KCNJ6: variants seen among roughly 807,000 people sequenced by gnomAD.
KCNJ6 encodes the protein potassium inwardly rectifying channel subfamily J member 6, also known as G protein-activated inward rectifier potassium channel 2.
A neutral mutation model predicts 34.2 loss-of-function variants in KCNJ6; 9 were observed. That is an observed-to-expected ratio of 0.26 (90% confidence interval 0.16 to 0.46). KCNJ6 has a LOEUF of 0.46. KCNJ6 is among the 20% of genes least tolerant of loss of function. The pLI, the probability that KCNJ6 is intolerant of heterozygous loss-of-function variation, is 1.00. For missense variants in KCNJ6, 236 were observed against 531.3 expected (o/e 0.44, Z 5.46); for synonymous variants, 196 against 207.1 (o/e 0.95, Z 0.46).
chr21:37,735,649 C>T (rs1343424807), intron 2 of KCNJ6, among the ~76,000 whole-genome samples: 1 of 152,182 alleles, frequency 6.6e-6, no homozygotes, highest in Non-Finnish European at 1.5e-5. Flanking sequence ...TGTGTATGGG[C>T]TGTGGGAGGA....
intron 3 of KCNJ6, among the ~76,000 whole-genome samples, chr21:37,683,181 G>T (rs2054597838): frequency 6.6e-6 from 1 of 152,124 alleles, no homozygotes; most frequent in African/African-American, 2.4e-5. Flanking sequence ...GAGGAAATTG[G>T]CTACAAGACA....
intron 1 of KCNJ6, among the ~76,000 whole-genome samples, chr21:37,850,000 C>T (rs895934014): frequency 3.9e-5 from 6 of 152,238 alleles, no homozygotes; most frequent in African/African-American, 9.6e-5. Context: ...AGTTTCCTGA[C>T]ATGAGATGCT....
At chr21:37,733,640 A>C (rs1169682898) in intron 2 of KCNJ6, among the ~76,000 whole-genome samples, 2 of 152,222 alleles carry the variant, frequency 1.3e-5, no homozygotes, top group Non-Finnish European at 2.9e-5. Context: ...AATTTCTTTT[A>C]AAAGAAAGCT....
At chr21:37,823,838 G>C (rs183290823) in intron 2 of KCNJ6, among the ~76,000 whole-genome samples, 1 of 101,634 alleles carries the variant, frequency 9.8e-6, no homozygotes, top group Non-Finnish European at 2.2e-5. Flanking sequence ...GGGATGGGGA[G>C]ATGTTGGTCA....
At chr21:37,770,426 G>T (rs1469126042) in intron 2 of KCNJ6, among the ~76,000 whole-genome samples, 2 of 152,074 alleles carry the variant, frequency 1.3e-5, no homozygotes, top group Admixed American at 1.3e-4. Context: ...AGGCAAAGAA[G>T]GGGATTAATA....
At chr21:37,893,175 T>C (rs2055770896) in intron 1 of KCNJ6, among the ~76,000 whole-genome samples, 1 of 150,838 alleles carries the variant, frequency 6.6e-6, no homozygotes, top group Non-Finnish European at 1.5e-5. Flanking sequence ...TAGTCTTATG[T>C]TACATTCCTG....
chr21:37,785,416 G>A (rs573194081), intron 2 of KCNJ6, among the ~76,000 whole-genome samples: 10 of 152,294 alleles, frequency 6.6e-5, no homozygotes, highest in African/African-American at 1.2e-4. Flanking sequence ...AAGGCTCACC[G>A]TGATCCTCTT....
chr21:37,838,183 C>T (rs925068003), intron 2 of KCNJ6, among the ~76,000 whole-genome samples: 13 of 152,178 alleles, frequency 8.5e-5, no homozygotes, highest in African/African-American at 3.1e-4. Flanking sequence ...TCTCTTATGA[C>T]AGTTGATTCA....
At chr21:37,652,450 A>C (rs1569438251) in intron 3 of KCNJ6, among the ~76,000 whole-genome samples, 1 of 152,186 alleles carries the variant, frequency 6.6e-6, no homozygotes, top group Non-Finnish European at 1.5e-5. Flanking sequence ...GGGCAGAAAG[A>C]GCCAAGGTTG....
At chr21:37,812,405 A>G (rs2123544046) in intron 2 of KCNJ6, among the ~76,000 whole-genome samples, 1 of 152,324 alleles carries the variant, frequency 6.6e-6, no homozygotes, top group African/African-American at 2.4e-5. Context: ...AGAACTGGGA[A>G]TTTAACCAAA....
intron 1 of KCNJ6, among the ~76,000 whole-genome samples, chr21:37,906,052 T>C (rs1294154707): frequency 6.6e-6 from 1 of 152,264 alleles, no homozygotes; most frequent in African/African-American, 2.4e-5. Flanking sequence ...TAGCATCTTT[T>C]ATTTAAAGGA....
chr21:37,666,569 A>G (rs2054514550), intron 3 of KCNJ6, among the ~76,000 whole-genome samples: 1 of 152,178 alleles, frequency 6.6e-6, no homozygotes, highest in Non-Finnish European at 1.5e-5. Flanking sequence ...CCGTCTGGGA[A>G]GTGAGGAGTG....
chr21:37,775,423 C>T (rs2055137446), intron 2 of KCNJ6, among the ~76,000 whole-genome samples: 1 of 152,186 alleles, frequency 6.6e-6, no homozygotes, highest in South Asian at 2.1e-4. Context: ...GAAGTCCTTG[C>T]CCATGCCTAT....
At chr21:37,646,732 G>A (rs2123382698) in intron 3 of KCNJ6, among the ~76,000 whole-genome samples, 1 of 151,222 alleles carries the variant, frequency 6.6e-6, no homozygotes, top group Non-Finnish European at 1.5e-5. Flanking sequence ...GTGCAGTGGT[G>A]CGATCTCGGC....
intron 2 of KCNJ6, among the ~76,000 whole-genome samples, chr21:37,729,346 C>A (rs1380536272): frequency 7.0e-6 from 1 of 143,232 alleles, no homozygotes; most frequent in African/African-American, 2.5e-5. Context: ...GGGGGGGGGG[C>A]AGGGTCTCAC....
At chr21:37,707,297 G>A (rs976507512) in intron 3 of KCNJ6, among the ~76,000 whole-genome samples, 1 of 152,200 alleles carries the variant, frequency 6.6e-6, no homozygotes, top group African/African-American at 2.4e-5. Flanking sequence ...GCTGGGACTG[G>A]GTCTCCCGAC....
intron 3 of KCNJ6, among the ~76,000 whole-genome samples, chr21:37,655,244 A>T (rs2054457401): frequency 2.5e-5 from 1 of 40,728 alleles, no homozygotes; most frequent in African/African-American, 1.6e-4. Flanking sequence ...AGAGAGAGAG[A>T]GAGAGAGAGA....
chr21:37,758,071 T>C (rs983056274), intron 2 of KCNJ6, among the ~76,000 whole-genome samples: 6 of 152,078 alleles, frequency 3.9e-5, no homozygotes, highest in Admixed American at 2.6e-4. Flanking sequence ...CTGGGCCTGG[T>C]TTAGTGGAGG....
chr21:37,660,143 G>T (rs897548611), intron 3 of KCNJ6, among the ~76,000 whole-genome samples: 1 of 152,200 alleles, frequency 6.6e-6, no homozygotes, highest in African/African-American at 2.4e-5. Context: ...TGAGACTCAC[G>T]TGCAGAGCTC....
Sources: gnomAD v4.1 joint callset for allele counts (sites outside exome capture counted in the v4.1 genomes callset) on GRCh38, gnomAD v4.1.1 for gene constraint, MANE v1.5 for transcripts, NCBI Gene and HGNC (gene_info 2026-07-23, HGNC 2026-07-21) for gene names.